Variants in RALGAPA2 observed in about 807,000 individuals in gnomAD.
The protein encoded by RALGAPA2 is ral GTPase-activating protein subunit alpha-2.
RALGAPA2 carries 139 observed loss-of-function variants against 230.4 expected under a neutral mutation model. The observed-to-expected ratio is 0.60, with a 90% CI of 0.53 to 0.69. RALGAPA2 has a LOEUF of 0.69. RALGAPA2 is among the 30% of genes least tolerant of loss of function. The pLI, the probability that RALGAPA2 is intolerant of heterozygous loss-of-function variation, is 0.00. For synonymous variants in RALGAPA2, 847 were observed against 837.8 expected, an observed-to-expected ratio of 1.01 and a Z score of -0.19; for missense variants, 2,163 against 2,276.0, an observed-to-expected ratio of 0.95 and a Z score of 1.01.
At chr20:20,704,714 G>A (rs967125193) in intron 1 of RALGAPA2, among the ~76,000 whole-genome samples, 63 of 152,330 alleles carry the variant, frequency 4.1e-4, no homozygotes, top group African/African-American at 1.5e-3. Flanking sequence ...TCTCAGAGGA[G>A]AATGGGATTC....
intron 27 of RALGAPA2, among the ~76,000 whole-genome samples, chr20:20,530,808 T>G (rs1397803746): frequency 6.6e-6 from 1 of 152,134 alleles, no homozygotes; most frequent in African/African-American, 2.4e-5. Flanking sequence ...CCTCAGTTCC[T>G]CCACCAGTAA....
chr20:20,480,040 A>G (rs892492755), intron 36 of RALGAPA2, among the ~76,000 whole-genome samples: 3 of 152,242 alleles, frequency 2.0e-5, no homozygotes, highest in Non-Finnish European at 4.4e-5. Context: ...TCTAACAAGG[A>G]AAGTATAAAG....
At chr20:20,552,396 ATTTAACT>A (rs2063952073) in intron 23 of RALGAPA2, among the ~76,000 whole-genome samples, 1 of 152,294 alleles carries the variant, frequency 6.6e-6, no homozygotes, top group South Asian at 2.1e-4. Context: ...TCAATTCCTC[ATTTAACT>A]TTTTACTTAA....
chr20:20,481,943 G>A (rs1247041219), intron 36 of RALGAPA2, among the ~76,000 whole-genome samples: 2 of 152,012 alleles, frequency 1.3e-5, no homozygotes, highest in African/African-American at 4.8e-5. Context: ...GTCCTAATGA[G>A]AGGCAAGGTA....
At chr20:20,588,194 A>G (rs1347527641) in intron 18 of RALGAPA2, among the ~76,000 whole-genome samples, 1 of 152,232 alleles carries the variant, frequency 6.6e-6, no homozygotes, top group Non-Finnish European at 1.5e-5. Context: ...TACAGTTTTC[A>G]CAAAAACAAA....
At chr20:20,402,872 C>T (rs562312641) in intron 38 of RALGAPA2, among the ~76,000 whole-genome samples, 1 of 152,120 alleles carries the variant, frequency 6.6e-6, no homozygotes. Flanking sequence ...AAGGTCTTGC[C>T]CTCTGCCCGT....
rs185860978 is a variant in RALGAPA2, at chr20:20,666,977, T to C, written c.270+9259A>G. 3.0e-3 allele frequency among the ~76,000 whole-genome samples: 457 copies of C among 152,288 alleles called. 2 individuals carry two copies. Among genetic ancestry groups the C allele is most frequent in the African/African-American group, 0.011 (437 of 41,558 alleles). ...AGAAAGGAAATAAATCTCAGAATTG[T>C]TTGTAATCCTATTATATTCATAACT... On this transcript the variant is annotated intron_variant, in intron 3 of 39. Transcript: ENST00000202677.
intron 10 of RALGAPA2, among the ~76,000 whole-genome samples, 153 bp downstream of exon 10, chr20:20,629,210 C>T (rs1186648490): frequency 3.9e-5 from 6 of 152,004 alleles, no homozygotes; most frequent in Non-Finnish European, 8.8e-5. Flanking sequence ...TTAGAGGGAT[C>T]GTTCTTTATT....
chr20:20,394,740 G>T (rs950382281), intron 39 of RALGAPA2, among the ~76,000 whole-genome samples: 6 of 152,024 alleles, frequency 3.9e-5, no homozygotes, highest in Admixed American at 6.6e-5. Context: ...TTGTTACAAG[G>T]CATCTCTCCA....
At chr20:20,587,577 A>T (rs967813048) in intron 18 of RALGAPA2, among the ~76,000 whole-genome samples, 1 of 152,140 alleles carries the variant, frequency 6.6e-6, no homozygotes, top group Non-Finnish European at 1.5e-5. Context: ...TATAAATATA[A>T]TATTTTTATT....
chr20:20,495,937 A>C (rs1472077405), intron 35 of RALGAPA2, among the ~76,000 whole-genome samples: 1 of 152,182 alleles, frequency 6.6e-6, no homozygotes, highest in Non-Finnish European at 1.5e-5. Context: ...TCTGAGGTAG[A>C]TGACATCATC....
intron 33 of RALGAPA2, among the ~76,000 whole-genome samples, chr20:20,508,062 T>C (rs1276863147): frequency 6.6e-6 from 1 of 152,214 alleles, no homozygotes; most frequent in Admixed American, 6.5e-5. Context: ...TGTTCCTAAG[T>C]CCTTGAGCCC....
At chr20:20,611,192 G>A (rs997344800) in intron 14 of RALGAPA2, 123 bp downstream of exon 14, 4 of 1,304,730 alleles carry the variant, frequency 3.1e-6, no homozygotes, top group East Asian at 2.7e-5. Flanking sequence ...ACAAAGCTAA[G>A]AAGAAAAATT....
intron 5 of RALGAPA2, among the ~76,000 whole-genome samples, chr20:20,641,755 C>T (rs190126111): frequency 6.6e-6 from 1 of 151,988 alleles, no homozygotes. Flanking sequence ...GGAGTGACTG[C>T]CTCATCTCCT....
In RALGAPA2 at chr20:20,671,479, T is replaced by C. The variant is rs954598063; in HGVS notation, c.270+4757A>G. Among the ~76,000 whole-genome samples the C allele has an allele frequency of 1.8e-4, 28 of 152,240 alleles. 1 individual carries two copies. The highest frequency in any genetic ancestry group is 1.3e-4 in the Admixed American group (2 of 15,282). ...TCCAAACCCTTATAAACTATCTCTTTACAAGCTTTACAGGGCACTATCCTA... is the reference window on the plus strand; with the variant it reads ...TCCAAACCCTTATAAACTATCTCTTCACAAGCTTTACAGGGCACTATCCTA... On this transcript the variant is annotated intron_variant, in intron 3 of 39. Transcript: ENST00000202677.
Position 20,397,353 on chromosome 20 carries a change from C to T in RALGAPA2, c.5618-619G>A, listed in dbSNP as rs143995264. 1.4e-3 allele frequency among the ~76,000 whole-genome samples: 206 copies of T among 152,322 alleles called. 1 individual carries two copies. In the East Asian group the frequency reaches 0.033, roughly 24 times the overall value. On this transcript the variant is annotated intron_variant, in intron 38 of 39. Transcript: ENST00000202677. ...GTGGTGAAATTGGACCATAAGGTCA[C>T]TCTCACCCACAGAGCAGCAGGGTCT...
intron 37 of RALGAPA2, among the ~76,000 whole-genome samples, chr20:20,416,118 G>A (rs895005054): frequency 3.9e-5 from 6 of 152,194 alleles, no homozygotes; most frequent in African/African-American, 4.8e-5. Flanking sequence ...GGACAACAAC[G>A]CCTGTTCTCA....
chr20:20,490,864 A>G (rs1056029966), intron 36 of RALGAPA2, among the ~76,000 whole-genome samples: 3 of 135,500 alleles, frequency 2.2e-5, no homozygotes, highest in African/African-American at 9.2e-5. Context: ...ACACATGAAC[A>G]CACACACACA....
intron 38 of RALGAPA2, among the ~76,000 whole-genome samples, chr20:20,408,925 T>C (rs1303292670): frequency 1.3e-5 from 2 of 152,232 alleles, no homozygotes; most frequent in Non-Finnish European, 2.9e-5. Flanking sequence ...GTGTTATCAA[T>C]ACAAGTAATG....
Sources: gnomAD v4.1 joint callset for allele counts (sites outside exome capture counted in the v4.1 genomes callset) on GRCh38, gnomAD v4.1.1 for gene constraint, MANE v1.5 for transcripts, NCBI Gene and HGNC (gene_info 2026-07-23, HGNC 2026-07-21) for gene names.